C12orf42: variants seen among roughly 807,000 people sequenced by gnomAD.
The protein encoded by C12orf42 is chromosome 12 open reading frame 42.
C12orf42 carries 25 observed loss-of-function variants against 21.6 expected under a neutral mutation model. The observed-to-expected ratio is 1.16, with a 90% confidence interval of 0.84 to 1.62. C12orf42 has a LOEUF of 1.62. Among genes scored for constraint, C12orf42 ranks in the 40% most tolerant of loss-of-function variants. The pLI, the probability that C12orf42 is intolerant of heterozygous loss-of-function variation, is 0.00. For missense variants in C12orf42, 483 were observed against 459.3 expected, an observed-to-expected ratio of 1.05 and a Z score of -0.47; for synonymous variants, 174 against 175.0, an observed-to-expected ratio of 0.99 and a Z score of 0.05.
At chr12:103,472,103 G>A (rs887712126) in intron 2 of C12orf42, 2 of 124,496 alleles carry the variant, frequency 1.6e-5, no homozygotes, top group South Asian at 5.1e-4. Context: ...CGCCCAGGCT[G>A]GAGTGCAGTG....
chr12:103,369,993 T>A (rs2045045670), intron 3 of C12orf42, among the ~76,000 whole-genome samples: 2 of 152,250 alleles, frequency 1.3e-5, no homozygotes, highest in Admixed American at 1.3e-4. Context: ...AACAATGGTC[T>A]AATACCCAGA....
the C12orf42 span, among the ~76,000 whole-genome samples, chr12:103,078,225 T>C: frequency 2.0e-5 from 3 of 152,206 alleles, no homozygotes; most frequent in African/African-American, 4.8e-5. Flanking sequence ...ATCCTCACCA[T>C]CTTAATAATT....
chr12:103,380,475 T>A (rs1160507017), intron 3 of C12orf42, among the ~76,000 whole-genome samples: 1 of 152,140 alleles, frequency 6.6e-6, no homozygotes, highest in Non-Finnish European at 1.5e-5. Context: ...ATACAAGTAA[T>A]GTCGGTAAGT....
intron 3 of C12orf42, among the ~76,000 whole-genome samples, chr12:103,377,959 G>A (rs2045849239): frequency 6.6e-6 from 1 of 152,150 alleles, no homozygotes; most frequent in Non-Finnish European, 1.5e-5. Context: ...ATCCTTGTGT[G>A]TGAATGCATT....
chr12:103,171,599 T>TA, the C12orf42 span, among the ~76,000 whole-genome samples: 356 of 152,168 alleles, frequency 2.3e-3, 3 homozygotes, highest in African/African-American at 8.1e-3. Flanking sequence ...GTATTTTTAA[T>TA]AAATTGAAGA....
At chr12:103,540,396 T>A in the C12orf42 span, among the ~76,000 whole-genome samples, 1 of 152,166 alleles carries the variant, frequency 6.6e-6, no homozygotes, top group Non-Finnish European at 1.5e-5. Context: ...AAGAAAGGAG[T>A]GTTAAAATAT....
At chr12:103,165,533 G>C in the C12orf42 span, among the ~76,000 whole-genome samples, 3 of 152,160 alleles carry the variant, frequency 2.0e-5, no homozygotes, top group African/African-American at 7.2e-5. Context: ...ACAGTGGCAG[G>C]TAGAGACTCA....
the C12orf42 span, among the ~76,000 whole-genome samples, chr12:103,162,377 C>T: frequency 6.6e-6 from 1 of 152,054 alleles, no homozygotes; most frequent in African/African-American, 2.4e-5. Flanking sequence ...GTGCTCAGGT[C>T]CAAATCCCCT....
At position 103,305,963 on chromosome 12, in the gene C12orf42, A is replaced by G; in HGVS notation, c.631+11T>C. On this transcript the variant is annotated intron_variant, in intron 5 of 5. Coordinates refer to ENST00000548883, the MANE Select transcript of C12orf42 (RefSeq NM_198521.5). Reference sequence around the variant, plus strand: ...AACAAGAAGAGTCAGTAACCACAACATGATACTTACCAGAATTTTTCTTGG... The same window carrying G: ...AACAAGAAGAGTCAGTAACCACAACGTGATACTTACCAGAATTTTTCTTGG... The G allele has an allele frequency of 5.6e-6, 9 of 1,595,600 alleles. No homozygotes were observed. Among genetic ancestry groups the G allele is most frequent in the Non-Finnish European group, 7.7e-6 (9 of 1,166,564 alleles).
intron 3 of C12orf42, among the ~76,000 whole-genome samples, chr12:103,384,049 C>T (rs549811340): frequency 2.0e-5 from 3 of 152,100 alleles, no homozygotes; most frequent in Non-Finnish European, 4.4e-5. Flanking sequence ...ATGACTCCAG[C>T]GTTTTGAATG....
At chr12:103,481,463 T>C (rs1954465022) in intron 1 of C12orf42, among the ~76,000 whole-genome samples, 2 of 152,100 alleles carry the variant, frequency 1.3e-5, no homozygotes, top group Admixed American at 6.5e-5. Flanking sequence ...CCTGTCCCTA[T>C]TTAAAAGTAA....
At chr12:103,283,370 C>A (rs2136320335) in intron 4 of C12orf42, among the ~76,000 whole-genome samples, 1 of 152,320 alleles carries the variant, frequency 6.6e-6, no homozygotes, top group Admixed American at 6.5e-5. Context: ...CTTGTTTCTG[C>A]TTTAATCTAC....
In C12orf42 at chr12:103,382,003, A is replaced by G. The variant is rs114092348; in HGVS notation, c.148-13005T>C. 7.0e-3 allele frequency among the ~76,000 whole-genome samples: 1,061 copies of G among 152,258 alleles called. 17 individuals carry two copies. The highest frequency in any genetic ancestry group is 0.024 in the African/African-American group (1,013 of 41,530). On this transcript the variant is annotated intron_variant, in intron 3 of 5. Transcript: ENST00000548883. ...ATAATAATAGTCTCTACTTGATTGG[A>G]TAGTTATGACAATTAAATGACAATA...
chr12:103,370,190 G>C (rs538631340), intron 3 of C12orf42, among the ~76,000 whole-genome samples: 2 of 151,890 alleles, frequency 1.3e-5, no homozygotes, highest in Non-Finnish European at 2.9e-5. Flanking sequence ...ATACCATCTC[G>C]CACCAGTTAG....
At chr12:103,510,653 A>C in the C12orf42 span, among the ~76,000 whole-genome samples, 2 of 152,166 alleles carry the variant, frequency 1.3e-5, no homozygotes, top group Non-Finnish European at 2.9e-5. Context: ...TAAAACAATC[A>C]TTTCATTTTG....
At chr12:103,069,485 C>A in the C12orf42 span, among the ~76,000 whole-genome samples, 1 of 152,060 alleles carries the variant, frequency 6.6e-6, no homozygotes, top group South Asian at 2.1e-4. Flanking sequence ...TAGGCAAAAT[C>A]ATCTAATACA....
At chr12:103,075,526 A>G in the C12orf42 span, among the ~76,000 whole-genome samples, 1 of 152,252 alleles carries the variant, frequency 6.6e-6, no homozygotes, top group Non-Finnish European at 1.5e-5. Context: ...GAGCCTAAGC[A>G]CAATATAACC....
At chr12:103,507,283 T>TATATAAATATATAA in the C12orf42 span, among the ~76,000 whole-genome samples, 1 of 90,402 alleles carries the variant, frequency 1.1e-5, no homozygotes, top group Non-Finnish European at 2.0e-5. Context: ...TTATATATAT[T>TATATAAATATATAA]TTTTTTTAAC....
At chr12:103,481,134 C>A (rs1462628978) in intron 1 of C12orf42, among the ~76,000 whole-genome samples, 1 of 151,604 alleles carries the variant, frequency 6.6e-6, no homozygotes, top group Admixed American at 6.6e-5. Flanking sequence ...TTATCTCTAC[C>A]AATTTTTTTC....
Sources: gnomAD v4.1 joint callset for allele counts (sites outside exome capture counted in the v4.1 genomes callset) on GRCh38, gnomAD v4.1.1 for gene constraint, MANE v1.5 for transcripts, NCBI Gene and HGNC (gene_info 2026-07-23, HGNC 2026-07-21) for gene names.